RILPL2: variants seen among roughly 807,000 people sequenced by gnomAD.
The protein encoded by RILPL2 is Rab interacting lysosomal protein like 2, also known as RILP-like protein 2.
Under a neutral mutation model 22.2 loss-of-function variants are expected in RILPL2, and 19 were observed. The ratio of observed to expected loss-of-function variants is 0.86; its 90% CI spans 0.60 to 1.25. The LOEUF (loss-of-function observed/expected upper bound fraction) is 1.25, where lower values mean the gene tolerates loss of function less well. RILPL2 is among the 50% of genes most tolerant of loss of function. The probability of loss-of-function intolerance (pLI) is 0.00; values close to 1 mark genes in which losing one functional copy is unlikely to be tolerated. For synonymous variants in RILPL2, 123 were observed against 111.6 expected (o/e 1.10, Z -0.64); for missense variants, 243 against 263.6 (o/e 0.92, Z 0.54).
downstream of RILPL2, chr12:123,413,198 C>T (rs61953485): frequency 6.8e-6 from 1 of 146,042 alleles, no homozygotes; most frequent in Non-Finnish European, 1.4e-5. Flanking sequence ...TCCGTCCCCA[C>T]CACCCCCCAA....
intron 2 of RILPL2, among the ~76,000 whole-genome samples, chr12:123,428,654 C>T (rs749928888): frequency 1.1e-4 from 16 of 152,124 alleles, no homozygotes; most frequent in African/African-American, 2.2e-4. Flanking sequence ...GATCTAAATG[C>T]GGCGTGCTAA....
intron 1 of RILPL2, 115 bp downstream of exon 1, chr12:123,435,967 A>C: frequency 7.1e-7 from 1 of 1,403,984 alleles, no homozygotes; most frequent in Non-Finnish European, 9.4e-7. Context: ...ATCTCTTAAA[A>C]AAAGAAAAAA....
chr12:123,420,112 C>A (rs1180844515), intron 3 of RILPL2, among the ~76,000 whole-genome samples: 2 of 151,048 alleles, frequency 1.3e-5, no homozygotes, highest in Non-Finnish European at 2.9e-5. Context: ...GCAACATCCG[C>A]CTCCTGGGTT....
intron 3 of RILPL2, among the ~76,000 whole-genome samples, chr12:123,418,578 C>G (rs1225864070): frequency 6.6e-6 from 1 of 152,052 alleles, no homozygotes; most frequent in Non-Finnish European, 1.5e-5. Flanking sequence ...TGGCACATGG[C>G]AGACCCTCAG....
intron 2 of RILPL2, among the ~76,000 whole-genome samples, chr12:123,429,881 T>C (rs1296738154): frequency 6.6e-6 from 1 of 151,388 alleles, no homozygotes; most frequent in Non-Finnish European, 1.5e-5. Flanking sequence ...TTGGGGAGGC[T>C]GAGGCAGGTG....
intron 2 of RILPL2, among the ~76,000 whole-genome samples, chr12:123,426,925 CTT>C (rs398056032): frequency 2.0e-4 from 28 of 141,080 alleles, no homozygotes; most frequent in Admixed American, 2.9e-4. Context: ...AATTGGCTTT[CTT>C]TTTTTTTTTT....
At chr12:123,411,259 TCTC>T (rs1878967422), downstream of RILPL2, 1 of 152,052 alleles carries the variant, frequency 6.6e-6, no homozygotes, top group Non-Finnish European at 1.5e-5. Context: ...GCCAGGCTGG[TCTC>T]CTGACCTCGT....
chr12:123,411,756 C>T (rs1017590966), downstream of RILPL2: 1 of 151,292 alleles, frequency 6.6e-6, no homozygotes, highest in African/African-American at 2.4e-5. Context: ...GAACTCCTGA[C>T]CTTGTGATCC....
chr12:123,433,135 T>A (rs1879699449), intron 1 of RILPL2, among the ~76,000 whole-genome samples: 1 of 149,716 alleles, frequency 6.7e-6, no homozygotes, highest in South Asian at 2.1e-4. Context: ...GACGAAGTCG[T>A]CTCGCTCTGT....
chr12:123,411,536 G>A (rs1878976117), downstream of RILPL2: 1 of 140,286 alleles, frequency 7.1e-6, no homozygotes, highest in Admixed American at 7.4e-5. Context: ...TGCCTTCTGA[G>A]ACTTGGCTTG....
At chr12:123,410,527 G>T (rs1878942242), downstream of RILPL2, among the ~76,000 whole-genome samples, 1 of 152,094 alleles carries the variant, frequency 6.6e-6, no homozygotes, top group Non-Finnish European at 1.5e-5. Flanking sequence ...AAAGATTCAG[G>T]CATCAGTATT....
downstream of RILPL2, chr12:123,412,733 A>T (rs1484729853): frequency 6.6e-6 from 1 of 152,208 alleles, no homozygotes; most frequent in Non-Finnish European, 1.5e-5. Context: ...TCGGAAAGGT[A>T]CTTAGAATGA....
intron 2 of RILPL2, among the ~76,000 whole-genome samples, chr12:123,425,900 C>T (rs1879431224): frequency 6.6e-6 from 1 of 152,086 alleles, no homozygotes; most frequent in African/African-American, 2.4e-5. Context: ...AATCTGCCTG[C>T]CTCGGCCTCC....
intron 1 of RILPL2, among the ~76,000 whole-genome samples, chr12:123,431,739 C>T (rs1221362496): frequency 6.7e-6 from 1 of 148,844 alleles, no homozygotes; most frequent in African/African-American, 2.5e-5. Flanking sequence ...GGCAGGAGAA[C>T]GGTGTGAACC....
intron 2 of RILPL2, among the ~76,000 whole-genome samples, chr12:123,427,576 T>C (rs1879477435): frequency 6.6e-6 from 1 of 151,850 alleles, no homozygotes; most frequent in Non-Finnish European, 1.5e-5. Context: ...ACAGTCTCGC[T>C]CTGTCACCCA....
chr12:123,422,034 G>T (rs1233531184), intron 3 of RILPL2, among the ~76,000 whole-genome samples: 1 of 137,682 alleles, frequency 7.3e-6, no homozygotes, highest in African/African-American at 2.7e-5. Flanking sequence ...ATAGGGTCAC[G>T]CTCTGTTACC....
Position 123,415,884 on chromosome 12 carries a change from C to T in RILPL2, c.*7G>A, listed in dbSNP as rs754140150. 5.0e-6 allele frequency: 8 copies of T among 1,613,952 alleles called. No homozygotes were observed. The Admixed American group carries it at 1.2e-4, about 24-fold the overall frequency. Reference sequence around the variant, plus strand: ...TCAGAGCCATAGCCTTACTTGTGGCCTTGGATCTAGGTCTGTTTCCCCGAT... The same window carrying T: ...TCAGAGCCATAGCCTTACTTGTGGCTTTGGATCTAGGTCTGTTTCCCCGAT... On this transcript the variant is annotated 3_prime_UTR_variant, in exon 4 of 4. Coordinates refer to ENST00000280571, the MANE Select transcript of RILPL2 (RefSeq NM_145058.3).
intron 3 of RILPL2, among the ~76,000 whole-genome samples, chr12:123,418,676 T>G (rs1162169553): frequency 6.6e-6 from 1 of 151,678 alleles, no homozygotes; most frequent in Admixed American, 6.6e-5. Flanking sequence ...ATCAGTGTGG[T>G]CCAAGGAACT....
At chr12:123,435,128 C>T (rs920892342) in intron 1 of RILPL2, among the ~76,000 whole-genome samples, 1 of 151,152 alleles carries the variant, frequency 6.6e-6, no homozygotes, top group Non-Finnish European at 1.5e-5. Flanking sequence ...TGCAGTGAGT[C>T]GAGGTCACGC....
Sources: gnomAD v4.1 joint callset for allele counts (sites outside exome capture counted in the v4.1 genomes callset) on GRCh38, gnomAD v4.1.1 for gene constraint, MANE v1.5 for transcripts, NCBI Gene and HGNC (gene_info 2026-07-23, HGNC 2026-07-21) for gene names.